Variants in GAREM1 observed in about 807,000 individuals in gnomAD.
The protein encoded by GAREM1 is GRB2-associated and regulator of MAPK protein 1.
Under a neutral mutation model 71.3 loss-of-function variants are expected in GAREM1, and 26 were observed. The observed-to-expected ratio is 0.36, with a 90% CI of 0.27 to 0.51. GAREM1 has a LOEUF of 0.51. Among genes scored for constraint, GAREM1 ranks in the 20% least tolerant of loss-of-function variants. The pLI, the probability that GAREM1 is intolerant of heterozygous loss-of-function variation, is 0.95. For missense variants in GAREM1, 1,026 were observed against 1,103.1 expected (o/e 0.93, Z 0.99); for synonymous variants, 440 against 433.2 (o/e 1.02, Z -0.20).
rs187046061 is a variant in GAREM1, at chr18:32,344,731, A to G, written c.263-34408T>C. Among the ~76,000 whole-genome samples, 135 of 152,342 alleles carry G rather than the reference A, an allele frequency of 8.9e-4. 3 individuals are homozygous for G. The East Asian group carries it at 0.022, about 25-fold the overall frequency. ...ATTTATATAAAATTTGTAATAATGA[A>G]GTGTCAGGTCAGAAAGCTGATGAAT... On this transcript the variant is annotated intron_variant, in intron 2 of 5. Transcript: ENST00000269209.
intron 3 of GAREM1, among the ~76,000 whole-genome samples, chr18:32,298,617 T>C (rs1164105629): frequency 6.6e-6 from 1 of 152,138 alleles, no homozygotes; most frequent in East Asian, 1.9e-4. Flanking sequence ...CAAGAAACAT[T>C]TTGAAACACT....
intron 3 of GAREM1, among the ~76,000 whole-genome samples, chr18:32,292,441 A>G (rs549183194): frequency 5.3e-5 from 8 of 152,264 alleles, no homozygotes; most frequent in African/African-American, 1.9e-4. Flanking sequence ...CATTCTGGGG[A>G]AAGAGAAAAT....
intron 1 of GAREM1, among the ~76,000 whole-genome samples, chr18:32,460,144 A>G (rs2144310124): frequency 6.6e-6 from 1 of 151,834 alleles, no homozygotes; most frequent in South Asian, 2.1e-4. Context: ...AAGTCTGACC[A>G]AAGAACTTTT....
intron 1 of GAREM1, among the ~76,000 whole-genome samples, chr18:32,409,096 A>G (rs865802744): frequency 6.6e-6 from 1 of 152,142 alleles, no homozygotes; most frequent in African/African-American, 2.4e-5. Flanking sequence ...CTTTTGGCTC[A>G]ATATCATCTC....
At chr18:32,365,065 T>C (rs2047917116) in intron 2 of GAREM1, among the ~76,000 whole-genome samples, 1 of 152,180 alleles carries the variant, frequency 6.6e-6, no homozygotes, top group Non-Finnish European at 1.5e-5. Flanking sequence ...CCCTTAGCCA[T>C]CTACAGAATT....
intron 2 of GAREM1, among the ~76,000 whole-genome samples, chr18:32,350,172 GC>G (rs1369708525): frequency 6.6e-6 from 1 of 152,118 alleles, no homozygotes; most frequent in Non-Finnish European, 1.5e-5. Flanking sequence ...GTTGAAAACT[GC>G]CCCCCTTTTT....
At chr18:32,445,891 A>C (rs1278581557) in intron 1 of GAREM1, among the ~76,000 whole-genome samples, 1 of 152,182 alleles carries the variant, frequency 6.6e-6, no homozygotes, top group African/African-American at 2.4e-5. Context: ...CAATAGCAGC[A>C]TGGTAGAAAT....
At position 32,449,694 on chromosome 18, in the gene GAREM1, T is replaced by C. The variant is rs189635324; in HGVS notation, c.121+20614A>G. 4.4e-3 allele frequency among the ~76,000 whole-genome samples: 666 copies of C among 152,256 alleles called. 7 individuals carry two copies. The highest frequency in any genetic ancestry group is 0.015 in the African/African-American group (638 of 41,536). ...ACAAAGGGTTGGGGGGCAGGCACGGTAGAAGTTTAATAAATATTCTTTCAT... is the reference window on the plus strand; with the variant it reads ...ACAAAGGGTTGGGGGGCAGGCACGGCAGAAGTTTAATAAATATTCTTTCAT... On this transcript the variant is annotated intron_variant, in intron 1 of 5. Transcript: ENST00000269209.
chr18:32,321,360 G>A (rs1022809968), intron 2 of GAREM1, among the ~76,000 whole-genome samples: 4 of 151,880 alleles, frequency 2.6e-5, no homozygotes, highest in African/African-American at 4.8e-5. Context: ...CAAAAATATC[G>A]ACCCTTTTAA....
At chr18:32,272,575 A>T (rs932763605) in intron 4 of GAREM1, among the ~76,000 whole-genome samples, 1 of 151,712 alleles carries the variant, frequency 6.6e-6, no homozygotes, top group Non-Finnish European at 1.5e-5. Flanking sequence ...ATCACGTGAG[A>T]GGAATGCTTG....
chr18:32,287,793 C>T lies in GAREM1; in HGVS notation c.804G>A (p.Gly268=), dbSNP rs2047040774. 1 of 1,613,656 alleles carries T rather than the reference C, an allele frequency of 6.2e-7. No homozygotes were observed. Among genetic ancestry groups the T allele is most frequent in the Non-Finnish European group, 8.5e-7 (1 of 1,179,972 alleles). Residue 268 remains glycine (G), a synonymous_variant, in exon 4 of 6, where the codon GGG becomes GGA. Coordinates refer to ENST00000269209, the MANE Select transcript of GAREM1 (RefSeq NM_001242409.2). The surrounding 1 kb of genome is among the most constrained non-coding windows in gnomAD (Gnocchi z 5.9). ...GGATGTTCACAAACTTATAGCGGTGCCCCTCACGGATGAAGTGGAGGTCGT... is the reference window on the plus strand; with the variant it reads ...GGATGTTCACAAACTTATAGCGGTGTCCCTCACGGATGAAGTGGAGGTCGT... ...NPYDLHFIRE[G]HRYKFVNIQT...
chr18:32,467,026 T>A (rs943035638), intron 1 of GAREM1, among the ~76,000 whole-genome samples: 1 of 152,200 alleles, frequency 6.6e-6, no homozygotes, highest in African/African-American at 2.4e-5. Context: ...AGGAGTGGCA[T>A]GTATAATGCA....
At chr18:32,291,207 T>C (rs1244407369) in intron 3 of GAREM1, among the ~76,000 whole-genome samples, 1 of 151,434 alleles carries the variant, frequency 6.6e-6, no homozygotes, top group Non-Finnish European at 1.5e-5. Flanking sequence ...CAAGAATATA[T>C]TGTTAAATAA....
chr18:32,392,903 T>C lies in GAREM1; in HGVS notation c.254A>G (p.His85Arg). The change falls in exon 2 of 6, where the codon CAT becomes CGT. Residue 85 changes from histidine to arginine, a missense_variant. Physicochemically the swap from His to Arg is conservative, Grantham distance 29 (BLOSUM62 0). Coordinates refer to ENST00000269209, the MANE Select transcript of GAREM1 (RefSeq NM_001242409.2). Reference sequence around the variant, plus strand: ...CCTTGGAGGAGTCTTACCTGCATAATGTACCGGAATCTCTATCTTTGGCCC... The same window carrying C: ...CCTTGGAGGAGTCTTACCTGCATAACGTACCGGAATCTCTATCTTTGGCCC... ...VIGPKIEIPV[H>R]YAGQFKLLEQ... The C allele has an allele frequency of 6.2e-7, 1 of 1,613,770 alleles. No homozygotes were observed. The highest frequency in any genetic ancestry group is 1.1e-5 in the South Asian group (1 of 91,064).
chr18:32,306,997 A>G (rs1315065238), intron 3 of GAREM1, among the ~76,000 whole-genome samples: 2 of 152,236 alleles, frequency 1.3e-5, no homozygotes, highest in African/African-American at 2.4e-5. Flanking sequence ...GTTCCAAATT[A>G]AAAAGAATGT....
chr18:32,456,406 G>T (rs1041198947), intron 1 of GAREM1, among the ~76,000 whole-genome samples: 1 of 152,050 alleles, frequency 6.6e-6, no homozygotes, highest in Non-Finnish European at 1.5e-5. Context: ...TATCGATTAC[G>T]CTGGTGAATA....
Position 32,287,517 on chromosome 18 carries a change from A to G in GAREM1, c.1080T>C (p.Gly360=), listed in dbSNP as rs1419099788. ...WNEECKSPKK[G]RCSGHNHVPN... ...GCACGTGGTTGTGGCCAGAGCACCG[A>G]CCCTTCTTGGGGCTCTTGCATTCTT... Residue 360 remains glycine, a synonymous_variant, in exon 4 of 6, where the codon GGT becomes GGC. Coordinates refer to ENST00000269209, the MANE Select transcript of GAREM1 (RefSeq NM_001242409.2). The surrounding 1 kb of genome is among the most constrained non-coding windows in gnomAD (Gnocchi z 5.9). 1.2e-6 allele frequency: 2 copies of G among 1,614,046 alleles called. No homozygotes were observed. Among genetic ancestry groups the G allele is most frequent in the East Asian group, 2.2e-5 (1 of 44,864 alleles).
At chr18:32,452,516 A>G (rs997691870) in intron 1 of GAREM1, among the ~76,000 whole-genome samples, 5 of 152,186 alleles carry the variant, frequency 3.3e-5, no homozygotes, top group South Asian at 2.1e-4. Flanking sequence ...AACATTTTCT[A>G]TTAAACCTGT....
intron 2 of GAREM1, among the ~76,000 whole-genome samples, chr18:32,358,842 C>A (rs1402077779): frequency 1.3e-5 from 2 of 152,166 alleles, no homozygotes; most frequent in Non-Finnish European, 2.9e-5. Context: ...TAGAAGCAGG[C>A]CTGGCTACAT....
Sources: allele counts gnomAD v4.1 joint callset (sites outside exome capture counted in the v4.1 genomes callset), GRCh38; gene constraint gnomAD v4.1.1; non-coding constraint Gnocchi (gnomAD v3.1); transcripts MANE v1.5; gene names NCBI Gene and HGNC (gene_info 2026-07-23, HGNC 2026-07-21).